RAI1: variants seen among roughly 807,000 people sequenced by gnomAD.
RAI1 encodes the protein retinoic acid induced 1.
A neutral mutation model predicts 123.8 loss-of-function variants in RAI1; 9 were observed. That is an observed-to-expected ratio of 0.07 (90% CI 0.04 to 0.13). RAI1 has a LOEUF of 0.13. Among genes scored for constraint, RAI1 ranks in the 10% least tolerant of loss-of-function variants. RAI1 has a pLI of 1.00. For synonymous variants in RAI1, 1,231 were observed against 1,127.3 expected (o/e 1.09, Z -1.84); for missense variants, 2,256 against 2,545.8 (o/e 0.89, Z 2.45).
At chr17:17,682,046 G>T (rs1914438172) in intron 1 of RAI1, among the ~76,000 whole-genome samples, 1 of 151,318 alleles carries the variant, frequency 6.6e-6, no homozygotes, top group Non-Finnish European at 1.5e-5. Flanking sequence ...GGGTCTTCTG[G>T]GGGATGTGCG....
At chr17:17,782,375 T>C (rs2142998650) in intron 2 of RAI1, among the ~76,000 whole-genome samples, 1 of 151,368 alleles carries the variant, frequency 6.6e-6, no homozygotes, top group East Asian at 2.0e-4. Flanking sequence ...CCAGGGGAGG[T>C]GGCGTTGGGG....
intron 2 of RAI1, among the ~76,000 whole-genome samples, chr17:17,763,415 A>G (rs1334437149): frequency 3.3e-5 from 5 of 152,152 alleles, no homozygotes; most frequent in Admixed American, 2.6e-4. Flanking sequence ...GGAAATGACA[A>G]TTGACCACTG....
chr17:17,716,088 C>A (rs533158369), intron 1 of RAI1, among the ~76,000 whole-genome samples: 1 of 152,360 alleles, frequency 6.6e-6, no homozygotes, highest in East Asian at 1.9e-4. Context: ...CTGTAGCCAC[C>A]AGTCGGGACA....
chr17:17,784,328 C>G (rs1209053866), intron 2 of RAI1, among the ~76,000 whole-genome samples: 1 of 152,232 alleles, frequency 6.6e-6, no homozygotes, highest in African/African-American at 2.4e-5. Flanking sequence ...TCCGCCTAGG[C>G]TGGGGAAGGC....
chr17:17,755,784 C>G (rs1228237274), intron 2 of RAI1, among the ~76,000 whole-genome samples: 1 of 152,190 alleles, frequency 6.6e-6, no homozygotes, highest in Non-Finnish European at 1.5e-5. Context: ...CCCCTGGCAC[C>G]CAGCATCCCT....
At chr17:17,730,361 C>T (rs370623109) in intron 2 of RAI1, among the ~76,000 whole-genome samples, 2 of 152,230 alleles carry the variant, frequency 1.3e-5, no homozygotes, top group Admixed American at 6.5e-5. Context: ...AGGCCACCCA[C>T]CCCTAGGCCC....
At position 17,696,152 on chromosome 17, in the gene RAI1, A is replaced by G. The variant is rs73292253; in HGVS notation, c.-149+14359A>G. On this transcript the variant is annotated intron_variant, in intron 1 of 5. Coordinates refer to ENST00000353383, the MANE Select transcript of RAI1 (RefSeq NM_030665.4). The stretch of plus-strand genomic sequence containing the variant: ...AATACAAGAAAAAAGTAAAAACTTT[A>G]TAATTCCACCAGCAGTATATAACTA... 9.4e-3 allele frequency among the ~76,000 whole-genome samples: 1,439 copies of G among 152,350 alleles called. 33 individuals are homozygous for G. Among genetic ancestry groups the G allele is most frequent in the African/African-American group, 0.033 (1,373 of 41,586 alleles).
chr17:17,744,486 G>T (rs1725668422), intron 2 of RAI1, among the ~76,000 whole-genome samples: 1 of 152,116 alleles, frequency 6.6e-6, no homozygotes, highest in Non-Finnish European at 1.5e-5. Context: ...GAAAGGAAAT[G>T]GTTGTAAATA....
chr17:17,767,066 A>G (rs551015091), intron 2 of RAI1, among the ~76,000 whole-genome samples: 30 of 152,250 alleles, frequency 2.0e-4, no homozygotes, highest in African/African-American at 6.3e-4. Flanking sequence ...ATGCTTCCCA[A>G]TGAGCCCTGG....
intron 2 of RAI1, among the ~76,000 whole-genome samples, chr17:17,768,912 G>A (rs1011654444): frequency 1.3e-5 from 2 of 152,214 alleles, no homozygotes; most frequent in African/African-American, 4.8e-5. Context: ...GAGGAGAGGA[G>A]CAAGGCCCAG....
At chr17:17,759,293 GTTGTCTCAC>G (rs993947469) in intron 2 of RAI1, 1 of 152,222 alleles carries the variant, frequency 6.6e-6, no homozygotes, top group Non-Finnish European at 1.5e-5. Flanking sequence ...ACTACGAGGA[GTTGTCTCAC>G]TCTTTGCATC....
chr17:17,803,909 C>T, intron 4 of RAI1, 60 bp downstream of exon 4: 2 of 1,480,804 alleles, frequency 1.4e-6, no homozygotes, highest in Non-Finnish European at 1.9e-6. Context: ...CCAGGGGGAC[C>T]CTCCCTGGGC....
chr17:17,707,898 C>G (rs1478116292), intron 1 of RAI1, among the ~76,000 whole-genome samples: 1 of 152,198 alleles, frequency 6.6e-6, no homozygotes, highest in East Asian at 1.9e-4. Context: ...AGGCCAGACT[C>G]TAGCTTTCAT....
At chr17:17,701,597 C>CT (rs1915226708) in intron 1 of RAI1, among the ~76,000 whole-genome samples, 2 of 152,136 alleles carry the variant, frequency 1.3e-5, no homozygotes, top group Non-Finnish European at 2.9e-5. Flanking sequence ...CCCAGCCCCT[C>CT]TTTTTTCTTT....
Position 17,795,336 on chromosome 17 carries a change from G to C in RAI1, c.2388G>C (p.Glu796Asp). Residue 796 changes from glutamate (E) to aspartate (D), a missense_variant, in exon 3 of 6, where the codon GAG becomes GAC. Glu to Asp is a conservative substitution (Grantham distance 45, BLOSUM62 2). Coordinates refer to ENST00000353383, the MANE Select transcript of RAI1 (RefSeq NM_030665.4). The surrounding 1 kb of genome is among the most constrained non-coding windows in gnomAD (Gnocchi z 5.9). Reference sequence around the variant, plus strand: ...CGGCCTGCCTGGGCTTCCAGGAGGAGGACCCCCCTGGGGAGAAGGTGGCCT... The same window carrying C: ...CGGCCTGCCTGGGCTTCCAGGAGGACGACCCCCCTGGGGAGAAGGTGGCCT... The part of the protein sequence containing the change: ...EASACLGFQE[E>D]DPPGEKVASL... 5.6e-6 allele frequency: 9 copies of C among 1,602,770 alleles called. No homozygotes were observed. The highest frequency in any genetic ancestry group is 6.8e-6 in the Non-Finnish European group (8 of 1,172,218).
At chr17:17,808,295 C>CCT (rs1329291137) in intron 4 of RAI1, among the ~76,000 whole-genome samples, 1 of 152,150 alleles carries the variant, frequency 6.6e-6, no homozygotes, top group Non-Finnish European at 1.5e-5. Context: ...GCTTGGTTGT[C>CCT]CTCTCTGCCC....
chr17:17,805,532 G>A (rs12453837), intron 4 of RAI1, among the ~76,000 whole-genome samples: 1 of 151,964 alleles, frequency 6.6e-6, no homozygotes, highest in Admixed American at 6.5e-5. Flanking sequence ...ACTGCCTCCC[G>A]TCCTCACCTG....
At chr17:17,707,688 G>C (rs559097113) in intron 1 of RAI1, among the ~76,000 whole-genome samples, 1 of 152,240 alleles carries the variant, frequency 6.6e-6, no homozygotes, top group East Asian at 1.9e-4. Flanking sequence ...CACCTCCCAG[G>C]CTCTAGTGGT....
intron 2 of RAI1, chr17:17,779,487 A>C (rs941517357): frequency 6.4e-6 from 1 of 157,270 alleles, no homozygotes; most frequent in Non-Finnish European, 1.4e-5. Flanking sequence ...GTTGTCGGGG[A>C]GGGGGATTTA....
Sources: allele counts gnomAD v4.1 joint callset (sites outside exome capture counted in the v4.1 genomes callset), GRCh38; gene constraint gnomAD v4.1.1; non-coding constraint Gnocchi (gnomAD v3.1); transcripts MANE v1.5; gene names NCBI Gene and HGNC (gene_info 2026-07-23, HGNC 2026-07-21).